TRIM2: variants seen among roughly 807,000 people sequenced by gnomAD.
TRIM2 encodes tripartite motif-containing protein 2.
In TRIM2, 20 loss-of-function variants were observed where a neutral mutation model predicts 75.2. That is an observed-to-expected ratio of 0.27 (90% CI 0.19 to 0.39). The LOEUF (loss-of-function observed/expected upper bound fraction) is 0.39. Ranked by LOEUF, TRIM2 falls within the 10% of genes least tolerant of loss-of-function variation. The pLI is 1.00. For missense variants in TRIM2, 660 were observed against 990.8 expected (o/e 0.67, Z 4.48); for synonymous variants, 373 against 388.3 (o/e 0.96, Z 0.46).
intron 1 of TRIM2, among the ~76,000 whole-genome samples, chr4:153,205,923 C>T (rs1241960339): frequency 6.6e-6 from 1 of 152,148 alleles, no homozygotes; most frequent in Non-Finnish European, 1.5e-5. Context: ...GGTCCTAGAG[C>T]CCTGGAGAGG....
chr4:153,245,231 TAC>T (rs1479388830), intron 1 of TRIM2, among the ~76,000 whole-genome samples: 1 of 152,226 alleles, frequency 6.6e-6, no homozygotes, highest in Non-Finnish European at 1.5e-5. Flanking sequence ...AAGTTCTGTT[TAC>T]TTACTTATCT....
At chr4:153,328,790 G>C (rs1770814116) in intron 11 of TRIM2, 120 bp downstream of exon 11, 1 of 1,128,972 alleles carries the variant, frequency 8.9e-7, no homozygotes, top group South Asian at 2.5e-5. Flanking sequence ...TAGAACCATA[G>C]ATACTCTCAC....
In TRIM2 at chr4:153,315,463, A is replaced by G. The variant is rs746476982; in HGVS notation, c.1511-22A>G. The stretch of plus-strand genomic sequence containing the variant: ...TCTAACCCTTTAGTGCTTAATTTTT[A>G]TGATTTTATCATTTATTTTAGGTAC... On this transcript the variant is annotated intron_variant, in intron 6 of 11. Coordinates refer to ENST00000338700, the MANE Select transcript of TRIM2 (RefSeq NM_015271.5). 8 of 1,573,616 alleles carry G rather than the reference A, an allele frequency of 5.1e-6. No homozygotes were observed. In the South Asian group the frequency reaches 7.0e-5, roughly 14 times the overall value.
chr4:153,208,408 ATTTATC>A (rs919978361), intron 1 of TRIM2, among the ~76,000 whole-genome samples: 4 of 151,970 alleles, frequency 2.6e-5, no homozygotes, highest in African/African-American at 9.7e-5. Context: ...TTTTAGATAA[ATTTATC>A]TTTATCTAAA....
At chr4:153,221,444 A>C (rs1023378769) in intron 1 of TRIM2, among the ~76,000 whole-genome samples, 3 of 151,980 alleles carry the variant, frequency 2.0e-5, no homozygotes, top group Non-Finnish European at 2.9e-5. Flanking sequence ...AACAAACAAA[A>C]AAACCAAACA....
intron 6 of TRIM2, 60 bp from the exon 7 acceptor site, chr4:153,315,425 T>C (rs1349656085): frequency 1.5e-6 from 2 of 1,347,504 alleles, no homozygotes; most frequent in Non-Finnish European, 2.0e-6. Context: ...ATTCTCTTGC[T>C]GAAACAGAGA....
Position 153,280,384 on chromosome 4 carries a change from C to CTTTTTTTTTT in TRIM2, c.453+4261_453+4270dup, listed in dbSNP as rs3048122. 3.2e-4 allele frequency among the ~76,000 whole-genome samples: 38 copies of CTTTTTTTTTT among 116,958 alleles called. 2 individuals carry two copies. Among genetic ancestry groups the CTTTTTTTTTT allele is most frequent in the Non-Finnish European group, 5.2e-4 (31 of 59,630 alleles). 76.7% of individuals were successfully genotyped at this position (116,958 alleles called of 152,430 possible). On this transcript the variant is annotated intron_variant, in intron 3 of 11. Transcript: ENST00000338700. ...TTAATTAAAATACCCCAGCAAATTC[C>CTTTTTTTTTT]TTTTTTTTTTTTTTTTGCTGGGTCT...
chr4:153,268,789 A>G (rs1300971945), intron 1 of TRIM2, among the ~76,000 whole-genome samples: 1 of 152,128 alleles, frequency 6.6e-6, no homozygotes, highest in Non-Finnish European at 1.5e-5. Flanking sequence ...CCCTCTTCTA[A>G]TTCTCCTTTC....
At chr4:153,319,466 C>T (rs1768439471) in intron 8 of TRIM2, among the ~76,000 whole-genome samples, 1 of 152,144 alleles carries the variant, frequency 6.6e-6, no homozygotes, top group Non-Finnish European at 1.5e-5. Flanking sequence ...CAGTGGCTCA[C>T]ATCTGTAATC....
chr4:153,222,004 A>G (rs1449512504), intron 1 of TRIM2, among the ~76,000 whole-genome samples: 101 of 54,962 alleles, frequency 1.8e-3, no homozygotes, highest in South Asian at 0.015. Flanking sequence ...GGAAGGAAGG[A>G]AAGAAGGAAG....
intron 8 of TRIM2, among the ~76,000 whole-genome samples, chr4:153,321,633 A>C (rs1390790660): frequency 1.3e-5 from 2 of 152,254 alleles, no homozygotes; most frequent in African/African-American, 4.8e-5. Flanking sequence ...TTGAATATTT[A>C]TTATGCACCA....
chr4:153,231,212 A>G (rs1382438156), intron 1 of TRIM2, among the ~76,000 whole-genome samples: 1 of 152,178 alleles, frequency 6.6e-6, no homozygotes, highest in Non-Finnish European at 1.5e-5. Context: ...TTCAATAGAG[A>G]TTGTTTACTT....
chr4:153,256,873 G>C (rs1003763239), intron 1 of TRIM2, among the ~76,000 whole-genome samples: 1 of 152,174 alleles, frequency 6.6e-6, no homozygotes, highest in African/African-American at 2.4e-5. Context: ...TAAATACCAA[G>C]AGAGGAAAAG....
chr4:153,301,247 C>T (rs1763856376), intron 6 of TRIM2, among the ~76,000 whole-genome samples: 1 of 151,952 alleles, frequency 6.6e-6, no homozygotes, highest in African/African-American at 2.4e-5. Context: ...AATACAAACT[C>T]TGGGCTCAAT....
chr4:153,313,185 G>A (rs1219367093), intron 6 of TRIM2, among the ~76,000 whole-genome samples: 2 of 152,224 alleles, frequency 1.3e-5, no homozygotes, highest in South Asian at 2.1e-4. Flanking sequence ...GCCATTTCAC[G>A]AGTGTTCACT....
At chr4:153,160,996 A>G (rs1729685396) in intron 1 of TRIM2, among the ~76,000 whole-genome samples, 2 of 152,074 alleles carry the variant, frequency 1.3e-5, no homozygotes, top group African/African-American at 2.4e-5. Flanking sequence ...TGTTCTTTCA[A>G]TTGATTTTTA....
At chr4:153,297,186 T>A (rs555269953) in intron 6 of TRIM2, among the ~76,000 whole-genome samples, 1 of 152,308 alleles carries the variant, frequency 6.6e-6, no homozygotes, top group South Asian at 2.1e-4. Context: ...TCAGGCTGAA[T>A]CTTCGCAAAG....
At chr4:153,224,753 C>T (rs1741665903) in intron 1 of TRIM2, among the ~76,000 whole-genome samples, 1 of 152,180 alleles carries the variant, frequency 6.6e-6, no homozygotes, top group Non-Finnish European at 1.5e-5. Context: ...ATTTTTCTTG[C>T]ATCATCATTT....
chr4:153,312,945 A>C (rs1315584200), intron 6 of TRIM2, among the ~76,000 whole-genome samples: 3 of 152,146 alleles, frequency 2.0e-5, no homozygotes, highest in Non-Finnish European at 4.4e-5. Context: ...GACCAAAAAT[A>C]ATATTTGTTT....
Sources: allele counts gnomAD v4.1 joint callset (sites outside exome capture counted in the v4.1 genomes callset), GRCh38; gene constraint gnomAD v4.1.1; transcripts MANE v1.5; gene names NCBI Gene and HGNC (gene_info 2026-07-23, HGNC 2026-07-21).